UBE2D3: variants seen among roughly 807,000 people sequenced by gnomAD.
The protein encoded by UBE2D3 is ubiquitin conjugating enzyme E2 D3.
UBE2D3 carries 2 observed loss-of-function variants against 22.8 expected under a neutral mutation model. That is an observed-to-expected ratio of 0.09 (90% CI 0.04 to 0.28). The LOEUF is 0.28. UBE2D3 is among the 10% of genes least tolerant of loss of function. The pLI is 1.00. For synonymous variants in UBE2D3, 56 were observed against 60.4 expected, an observed-to-expected ratio of 0.93 and a Z score of 0.34; for missense variants, 27 against 182.5, an observed-to-expected ratio of 0.15 and a Z score of 4.91.
In UBE2D3 at chr4:102,868,682, G is replaced by C. The variant is rs370476512; in HGVS notation, c.-129+33C>G. 2.9e-5 allele frequency: 46 copies of C among 1,613,772 alleles called. No individual in the cohort carries two copies. In the Middle Eastern group the frequency reaches 5.0e-4, roughly 18 times the overall value. ...AACTGTAGGGGAAGAGGCGGGGCGA[G>C]AGGGGACGAAGTAGAGACAGCAAGA... is the stretch of plus-strand genomic sequence containing the variant. On this transcript the variant is annotated intron_variant, in intron 1 of 7. Coordinates refer to the UBE2D3 transcript ENST00000338145.
rs1333654403 is a variant in UBE2D3, at chr4:102,794,415, T to C, written c.*3000A>G. On this transcript the variant is annotated 3_prime_UTR_variant, in exon 8 of 8. Transcript: ENST00000453744. ...AAACACAGACTTTAATGGTAACAAT[T>C]CCTTTAAGCTCAATTAACTTCAGCT... is the stretch of plus-strand genomic sequence containing the variant. The C allele has an allele frequency of 6.6e-6, 1 of 152,130 alleles. No homozygotes were observed. The highest frequency in any genetic ancestry group is 1.5e-5 in the Non-Finnish European group (1 of 67,984). The allele number at this position is 152,130 out of a possible 1,614,324, so 9.4% of individuals were successfully genotyped here. A position where few individuals can be genotyped will look rare whatever the true frequency, so the allele number is the denominator to read the frequency against.
rs368673154 is a variant in UBE2D3, at chr4:102,846,785, G to A, written c.-128-20149C>T. ...CTTCTGAGTAGCTGGGACTACAGGC[G>A]CAAACCACCATGCATGGCTAATTAA... On this transcript the variant is annotated intron_variant, in intron 1 of 7. Coordinates refer to the UBE2D3 transcript ENST00000338145. 1.3e-4 allele frequency among the ~76,000 whole-genome samples: 19 copies of A among 151,478 alleles called. No individual in the cohort carries two copies. In the South Asian group the frequency reaches 2.9e-3, roughly 23 times the overall value.
chr4:102,804,068 C>T (rs1267819760), intron 4 of UBE2D3, among the ~76,000 whole-genome samples: 2 of 152,062 alleles, frequency 1.3e-5, no homozygotes, highest in African/African-American at 4.8e-5. Context: ...TGTACCCAGC[C>T]AGAGCTTATT....
Position 102,794,443 on chromosome 4 carries a change from T to G in UBE2D3, c.*2972A>C, listed in dbSNP as rs1174596126. The G allele has an allele frequency of 6.6e-6, 1 of 152,138 alleles. No individual in the cohort carries two copies. 9.4% of individuals were successfully genotyped at this position (152,138 alleles called of 1,614,324 possible). On this transcript the variant is annotated 3_prime_UTR_variant, in exon 8 of 8. Transcript: ENST00000453744. ...TTTAAGCTCAATTAACTTCAGCTATTACAAGTCTTATGCAGATGTCACTAT... is the reference window on the plus strand; with the variant it reads ...TTTAAGCTCAATTAACTTCAGCTATGACAAGTCTTATGCAGATGTCACTAT...
chr4:102,799,038 G>T lies in UBE2D3; in HGVS notation c.398+369C>A. ...ATATGAAAGTTATAATGGTTAAGTT[G>T]AACATAAATATAATTCAAATATTTG... On this transcript the variant is annotated intron_variant, in intron 7 of 7. Coordinates refer to ENST00000453744, the MANE Select transcript of UBE2D3 (RefSeq NM_181891.3). The T allele has an allele frequency of 2.7e-6, 4 of 1,491,980 alleles. No homozygotes were observed. In the South Asian group the frequency reaches 3.4e-5, roughly 13 times the overall value. 92.4% of individuals were successfully genotyped at this position (1,491,980 alleles called of 1,614,324 possible).
In UBE2D3 at chr4:102,798,550, C is replaced by A. The variant is rs1050053950; in HGVS notation, c.398+857G>T. Among the ~76,000 whole-genome samples, 4 of 151,404 alleles carry A rather than the reference C, an allele frequency of 2.6e-5. No homozygotes were observed. In the East Asian group the frequency reaches 7.8e-4, roughly 29 times the overall value. On this transcript the variant is annotated intron_variant, in intron 7 of 7. Coordinates refer to ENST00000453744, the MANE Select transcript of UBE2D3 (RefSeq NM_181891.3). ...TGAACATTTAGTTTAGATGCTTAGG[C>A]TTAAAAGTGTTTTTCCCTTACATTA...
chr4:102,838,801 G>A (rs1731568084), intron 1 of UBE2D3, among the ~76,000 whole-genome samples: 1 of 112,622 alleles, frequency 8.9e-6, no homozygotes, highest in South Asian at 2.7e-4. Flanking sequence ...ACAAAACTGT[G>A]CTGGGCAAAA....
intron 2 of UBE2D3, among the ~76,000 whole-genome samples, chr4:102,813,569 G>T (rs1351492873): frequency 1.3e-5 from 2 of 152,122 alleles, no homozygotes; most frequent in Admixed American, 6.5e-5. Context: ...GACTCAATTT[G>T]AAAAGTATAT....
chr4:102,825,836 T>G, intron 2 of UBE2D3: 1 of 451,444 alleles, frequency 2.2e-6, no homozygotes, highest in Non-Finnish European at 4.4e-6. Flanking sequence ...CTCGGATAAA[T>G]AGCTTCGGGT....
intron 1 of UBE2D3, among the ~76,000 whole-genome samples, chr4:102,845,638 G>A (rs1405240178): frequency 6.6e-6 from 1 of 152,136 alleles, no homozygotes; most frequent in Non-Finnish European, 1.5e-5. Flanking sequence ...ATGTCAAGCA[G>A]CACCTTGGTA....
chr4:102,859,851 G>GTT (rs61150781), intron 1 of UBE2D3, among the ~76,000 whole-genome samples: 8 of 143,136 alleles, frequency 5.6e-5, no homozygotes, highest in African/African-American at 7.7e-5. Flanking sequence ...AATTTGATTT[G>GTT]TTTTTTTTTT....
chr4:102,866,553 C>T (rs937062221), intron 1 of UBE2D3, among the ~76,000 whole-genome samples: 5 of 152,102 alleles, frequency 3.3e-5, no homozygotes, highest in African/African-American at 1.2e-4. Flanking sequence ...TTTACTATAT[C>T]TTTAAATTGA....
intron 7 of UBE2D3, among the ~76,000 whole-genome samples, chr4:102,798,295 T>TATATATATATATATATATGC (rs796347600): frequency 3.4e-5 from 5 of 147,948 alleles, no homozygotes; most frequent in African/African-American, 1.3e-4. Context: ...TATATATATA[T>TATATATATATATATATATGC]ATGCACAGGA....
At chr4:102,809,929 C>T (rs2110282212) in intron 2 of UBE2D3, 74 bp from the exon 3 acceptor site, 3 of 1,429,808 alleles carry the variant, frequency 2.1e-6, no homozygotes, top group East Asian at 2.3e-5. Flanking sequence ...CCACTGCTTT[C>T]AGTTACTTTC....
intron 1 of UBE2D3, among the ~76,000 whole-genome samples, chr4:102,858,426 GT>G (rs1732729136): frequency 6.6e-6 from 1 of 151,906 alleles, no homozygotes; most frequent in South Asian, 2.1e-4. Context: ...AGAGACACGT[GT>G]GATGAACTCT....
At chr4:102,819,714 C>T (rs997777760) in intron 2 of UBE2D3, 5 of 455,254 alleles carry the variant, frequency 1.1e-5, no homozygotes, top group African/African-American at 1.1e-4. Context: ...CACGATGTTC[C>T]ACAAATCATT....
chr4:102,796,321 G>A lies in UBE2D3; in HGVS notation c.*1094C>T, dbSNP rs928534805. On this transcript the variant is annotated 3_prime_UTR_variant, in exon 8 of 8. Transcript: ENST00000453744. ...TGCTGGGTCCCAAAAGTCCATCTAT[G>A]AACTCTAGGGCTGCCAGTATCATGT... 1 of 152,288 alleles carries A rather than the reference G, an allele frequency of 6.6e-6. No homozygotes were observed. The highest frequency in any genetic ancestry group is 2.4e-5 in the African/African-American group (1 of 41,370). 9.4% of individuals were successfully genotyped at this position (152,288 alleles called of 1,614,324 possible).
intron 1 of UBE2D3, among the ~76,000 whole-genome samples, chr4:102,841,497 C>CA: frequency 6.6e-6 from 1 of 152,154 alleles, no homozygotes; most frequent in East Asian, 1.9e-4. Flanking sequence ...ATAATGGAGT[C>CA]ATCTTTGTCT....
At chr4:102,798,963 G>A (rs759013353) in intron 7 of UBE2D3, 2 of 1,611,602 alleles carry the variant, frequency 1.2e-6, no homozygotes, top group South Asian at 2.2e-5. Context: ...CCACTCTCTT[G>A]CTAACCTATT....
Sources: gnomAD v4.1 joint callset for allele counts (sites outside exome capture counted in the v4.1 genomes callset) on GRCh38, gnomAD v4.1.1 for gene constraint, MANE v1.5 for transcripts, NCBI Gene and HGNC (gene_info 2026-07-23, HGNC 2026-07-21) for gene names.